TBPL2: variants seen among roughly 807,000 people sequenced by gnomAD.
The protein encoded by TBPL2 is TATA box-binding protein-like 2.
Under a neutral mutation model 38.2 loss-of-function variants are expected in TBPL2, and 40 were observed. The ratio of observed to expected loss-of-function variants is 1.05; its 90% CI spans 0.81 to 1.36. The LOEUF (loss-of-function observed/expected upper bound fraction) is 1.36, where lower values mean the gene tolerates loss of function less well. Among genes scored for constraint, TBPL2 ranks in the 40% most tolerant of loss-of-function variants. The pLI is 0.00. For synonymous variants in TBPL2, 169 were observed against 171.7 expected, an observed-to-expected ratio of 0.98 and a Z score of 0.12; for missense variants, 461 against 456.7, an observed-to-expected ratio of 1.01 and a Z score of -0.09.
rs1885664617 is a variant in TBPL2, at chr14:55,416,094, A to G, written c.1052-1639T>C. Among the ~76,000 whole-genome samples, 3 of 152,048 alleles carry G rather than the reference A, an allele frequency of 2.0e-5. No homozygotes were observed. In the South Asian group the frequency reaches 6.2e-4, roughly 32 times the overall value. On this transcript the variant is annotated intron_variant, in intron 6 of 6. Transcript: ENST00000247219. ...TGCCAGGGGAAGTGAGGAGAGGGGA[A>G]TGGGGGGAATGGTTTAATGATATCA...
chr14:55,433,497 T>G (rs1272045087), intron 4 of TBPL2, 133 bp downstream of exon 4: 3 of 830,046 alleles, frequency 3.6e-6, no homozygotes, highest in Non-Finnish European at 5.8e-6. Flanking sequence ...AATGTGGCAT[T>G]TCATTGAATA....
rs774478131 is a variant in TBPL2 at position 55,414,329 on chromosome 14, G to C, written c.*50C>G. ...AAGAATCCAGCTGTTTCTGTGCTGG[G>C]CTTATGGACATATTCAAACCAGAAT... On this transcript the variant is annotated 3_prime_UTR_variant, in exon 7 of 7. Transcript: ENST00000247219. 4.4e-6 allele frequency: 6 copies of C among 1,361,066 alleles called. No homozygotes were observed. In the East Asian group the frequency reaches 1.4e-4, roughly 31 times the overall value. The allele number at this position is 1,361,066 out of a possible 1,614,324, so 84.3% of individuals were successfully genotyped here. A position where few individuals can be genotyped will look rare whatever the true frequency, so the allele number is the denominator to read the frequency against.
chr14:55,419,691 G>T (rs1594789332), intron 6 of TBPL2, among the ~76,000 whole-genome samples: 1 of 152,306 alleles, frequency 6.6e-6, no homozygotes, highest in East Asian at 1.9e-4. Flanking sequence ...ACTCAGGGGA[G>T]TAAGACCATT....
chr14:55,433,914 A>G (rs1284024808), intron 3 of TBPL2, among the ~76,000 whole-genome samples, 193 bp from the exon 4 acceptor site: 1 of 152,216 alleles, frequency 6.6e-6, no homozygotes, highest in African/African-American at 2.4e-5. Flanking sequence ...GGTAAAAATA[A>G]TATCAGTAAC....
intron 3 of TBPL2, 126 bp downstream of exon 3, chr14:55,435,721 G>T: frequency 3.0e-6 from 2 of 658,562 alleles, no homozygotes; most frequent in Middle Eastern, 3.9e-4. Flanking sequence ...ACCCTGAGTT[G>T]CCAAAAGCTT....
chr14:55,432,623 A>G lies in TBPL2; in HGVS notation c.788+1007T>C, dbSNP rs117110100. Reference sequence around the variant, plus strand: ...TTATTTAATCTCACTAGTAAATCAAAGAAATGTAAAACAATGTAACTTTTT... The same window carrying G: ...TTATTTAATCTCACTAGTAAATCAAGGAAATGTAAAACAATGTAACTTTTT... On this transcript the variant is annotated intron_variant, in intron 4 of 6. Transcript: ENST00000247219. Among the ~76,000 whole-genome samples the G allele has an allele frequency of 9.8e-5, 15 of 152,390 alleles. No individual in the cohort carries two copies. In the East Asian group the frequency reaches 2.9e-3, roughly 29 times the overall value.
intron 6 of TBPL2, among the ~76,000 whole-genome samples, 183 bp downstream of exon 6, chr14:55,423,975 GA>G (rs559526860): frequency 6.6e-6 from 1 of 152,068 alleles, no homozygotes; most frequent in Non-Finnish European, 1.5e-5. Flanking sequence ...ATAAAAACAT[GA>G]AAAAAATGTT....
intron 1 of TBPL2, among the ~76,000 whole-genome samples, chr14:55,439,327 C>T (rs1886067649): frequency 6.7e-6 from 1 of 149,334 alleles, no homozygotes; most frequent in African/African-American, 2.5e-5. Context: ...ATTTGGCAAA[C>T]CCTGCAACCA....
exon 7 of TBPL2, chr14:55,414,446 T>A (rs768612201): frequency 6.2e-7 from 1 of 1,604,244 alleles, no homozygotes; most frequent in Non-Finnish European, 8.5e-7. Flanking sequence ...CTCAGAACGT[T>A]CTTTGGCACC....
chr14:55,437,007 G>C (rs576596544), exon 2 of TBPL2: 2 of 1,613,846 alleles, frequency 1.2e-6, no homozygotes, highest in South Asian at 1.1e-5. Context: ...ACCTGGGTGG[G>C]GCAAGGCCAT....
chr14:55,421,247 G>T (rs1258056394), intron 6 of TBPL2, among the ~76,000 whole-genome samples: 2 of 152,036 alleles, frequency 1.3e-5, no homozygotes, highest in Non-Finnish European at 2.9e-5. Flanking sequence ...TTGAAAGTGT[G>T]TTTCCCTAAG....
chr14:55,437,093 T>C lies in TBPL2; in HGVS notation c.151-75A>G, dbSNP rs1208481613. On this transcript the variant is annotated intron_variant, in intron 1 of 6. Transcript: ENST00000247219. ...ATGTTACACAAAAGGGATGTCACTA[T>C]GGCAGGCAGGCAGGCAATGTATTCA... 2.5e-5 allele frequency: 33 copies of C among 1,325,366 alleles called. 1 individual carries two copies. In the South Asian group the frequency reaches 3.1e-4, roughly 12 times the overall value. The allele number at this position is 1,325,366 out of a possible 1,614,324, so 82.1% of individuals were successfully genotyped here.
chr14:55,427,850 CA>C (rs1885851519), intron 5 of TBPL2, among the ~76,000 whole-genome samples: 1 of 150,642 alleles, frequency 6.6e-6, no homozygotes, highest in Non-Finnish European at 1.5e-5. Flanking sequence ...CACACACACA[CA>C]CAGATAGGGG....
chr14:55,420,219 C>A (rs1231203094), intron 6 of TBPL2, among the ~76,000 whole-genome samples: 1 of 152,302 alleles, frequency 6.6e-6, no homozygotes, highest in East Asian at 1.9e-4. Flanking sequence ...TACAGGCACG[C>A]ACCACAATGC....
At position 55,440,480 on chromosome 14, in the gene TBPL2, CGGGTAAGA is replaced by C; in HGVS notation, c.58_65del (p.Ser20AlafsTer46). 1 of 1,610,104 alleles carries C rather than the reference CGGGTAAGA, an allele frequency of 6.2e-7. No individual in the cohort carries two copies. Among genetic ancestry groups the C allele is most frequent in the Non-Finnish European group, 8.5e-7 (1 of 1,177,992 alleles). On this transcript the variant is annotated frameshift_variant, in exon 1 of 7. Coordinates refer to ENST00000247219, the Ensembl canonical transcript of TBPL2. LOFTEE classifies it high-confidence loss of function. ...GTAATCCCACTGTTGGGGGTGGGGG[CGGGTAAGA>C]GGGTAAGCGCGGAGCGAGCAGCCTC...
chr14:55,418,263 A>G (rs1433415450), intron 6 of TBPL2, among the ~76,000 whole-genome samples: 1 of 152,218 alleles, frequency 6.6e-6, no homozygotes, highest in African/African-American at 2.4e-5. Context: ...GCACATTACA[A>G]GTACTTGGTA....
At chr14:55,428,715 C>T (rs940925430) in intron 5 of TBPL2, 92 bp downstream of exon 5, 115 of 1,300,230 alleles carry the variant, frequency 8.8e-5, no homozygotes, top group Non-Finnish European at 1.2e-4. Context: ...TTTTTAATCA[C>T]AATTTCTCTG....
intron 6 of TBPL2, among the ~76,000 whole-genome samples, chr14:55,415,546 A>C (rs1413422772): frequency 6.6e-6 from 1 of 152,218 alleles, no homozygotes; most frequent in Non-Finnish European, 1.5e-5. Flanking sequence ...AAACAGCTTA[A>C]ATGCCCGTCA....
chr14:55,437,121 G>C, intron 1 of TBPL2, 103 bp from the exon 2 acceptor site: 1 of 990,102 alleles, frequency 1.0e-6, no homozygotes, highest in Admixed American at 2.0e-5. Flanking sequence ...TGTATTCAGT[G>C]TAAGAGGCAG....
Sources: allele counts gnomAD v4.1 joint callset (sites outside exome capture counted in the v4.1 genomes callset), GRCh38; gene constraint gnomAD v4.1.1; transcripts MANE v1.5; gene names NCBI Gene and HGNC (gene_info 2026-07-23, HGNC 2026-07-21).